The following PLCG1 variants were observed in gnomAD, a reference collection of about 807,000 sequenced individuals.
The protein encoded by PLCG1 is 1-phosphatidylinositol 4,5-bisphosphate phosphodiesterase gamma-1.
A neutral mutation model predicts 177.8 loss-of-function variants in PLCG1; 71 were observed. That is an observed-to-expected ratio of 0.40 (90% CI 0.33 to 0.49). The LOEUF is 0.49. Among genes scored for constraint, PLCG1 ranks in the 20% least tolerant of loss-of-function variants. The pLI is 0.72. For synonymous variants in PLCG1, 658 were observed against 647.9 expected, an observed-to-expected ratio of 1.02 and a Z score of -0.24; for missense variants, 1,281 against 1,709.0, an observed-to-expected ratio of 0.75 and a Z score of 4.42.
intron 22 of PLCG1, 89 bp from the exon 23 acceptor site, chr20:41,169,368 C>A: frequency 9.1e-7 from 1 of 1,100,384 alleles, no homozygotes; most frequent in Non-Finnish European, 1.4e-6. Context: ...GGTACACCCA[C>A]AAGATGTATT....
intron 24 of PLCG1, chr20:41,170,589 T>C (rs1460567094): frequency 1.1e-5 from 3 of 275,676 alleles, no homozygotes; most frequent in Admixed American, 5.0e-5. Context: ...GGCTGAGGCA[T>C]AGAAGGGATG....
chr20:41,173,306 G>A lies in PLCG1; in HGVS notation c.3280-114G>A. 2 of 1,091,086 alleles carry A rather than the reference G, an allele frequency of 1.8e-6. No homozygotes were observed. The highest frequency in any genetic ancestry group is 2.8e-5 in the Admixed American group (1 of 35,258). The allele number at this position is 1,091,086 out of a possible 1,614,324, so 67.6% of individuals were successfully genotyped here. A position where few individuals can be genotyped will look rare whatever the true frequency, so the allele number is the denominator to read the frequency against. On this transcript the variant is annotated intron_variant, in intron 27 of 31. Coordinates refer to ENST00000685551, the MANE Select transcript of PLCG1 (RefSeq NM_002660.3). The surrounding 1 kb of genome is among the most constrained non-coding windows in gnomAD (Gnocchi z 6.2). The stretch of plus-strand genomic sequence containing the variant: ...AGGGACTCCATGGGCAGTGTCCCGG[G>A]GGCCCAGCAGAGGGCGCGCTGCCTC...
Position 41,151,634 on chromosome 20 carries a change from A to T in PLCG1, c.218-7972A>T, listed in dbSNP as rs1018126041. Among the ~76,000 whole-genome samples the T allele has an allele frequency of 2.0e-5, 3 of 152,144 alleles. No individual in the cohort carries two copies. The highest frequency in any genetic ancestry group is 4.4e-5 in the Non-Finnish European group (3 of 68,036). On this transcript the variant is annotated intron_variant, in intron 1 of 31. Transcript: ENST00000685551. This position sits in a 1 kb window ranked among gnomAD's most constrained non-coding sequence, Gnocchi z 5.5. ...GAGTATGTTTCTACTGAGAGGCAGGAGGAGGAATATTATAGTCTCAGGAAG... is the reference window on the plus strand; with the variant it reads ...GAGTATGTTTCTACTGAGAGGCAGGTGGAGGAATATTATAGTCTCAGGAAG...
chr20:41,164,929 G>T lies in PLCG1; in HGVS notation c.1218-4G>T, dbSNP rs752574749. ...TTTCACTGTGCTTGTCCCCCATCCC[G>T]CAGGTACCCAGTCATCCTGTCCATT... On this transcript the variant is annotated splice_polypyrimidine_tract_variant and splice_region_variant and intron_variant, in intron 12 of 31. Coordinates refer to ENST00000685551, the MANE Select transcript of PLCG1 (RefSeq NM_002660.3). This position sits in a 1 kb window ranked among gnomAD's most constrained non-coding sequence, Gnocchi z 6.4. 2.7e-5 allele frequency: 44 copies of T among 1,612,206 alleles called. No homozygotes were observed. The highest frequency in any genetic ancestry group is 3.6e-5 in the Non-Finnish European group (43 of 1,178,786).
rs934288795 is a variant in PLCG1, at chr20:41,167,357, G to C, written c.2302-495G>C. Among the ~76,000 whole-genome samples the C allele has an allele frequency of 6.6e-6, 1 of 152,220 alleles. No homozygotes were observed. The highest frequency in any genetic ancestry group is 2.4e-5 in the African/African-American group (1 of 41,446). On this transcript the variant is annotated intron_variant, in intron 19 of 31. Coordinates refer to ENST00000685551, the MANE Select transcript of PLCG1 (RefSeq NM_002660.3). This position sits in a 1 kb window ranked among gnomAD's most constrained non-coding sequence, Gnocchi z 4.4. ...GACAGAAGGAAGGGGTCTAGGACCAGAAGATCAGTTGAGAGACTGCTGTCG... is the reference window on the plus strand; with the variant it reads ...GACAGAAGGAAGGGGTCTAGGACCACAAGATCAGTTGAGAGACTGCTGTCG...
rs190933981 is a variant in PLCG1, at chr20:41,147,710, G to A, written c.217+9852G>A. ...CTAAAAATACAAAAATTAACCAGGC[G>A]TGGTGTCAGGCGCCTGTAACCCAGC... On this transcript the variant is annotated intron_variant, in intron 1 of 31. Coordinates refer to ENST00000685551, the MANE Select transcript of PLCG1 (RefSeq NM_002660.3). The surrounding 1 kb of genome is among the most constrained non-coding windows in gnomAD (Gnocchi z 4.0). Among the ~76,000 whole-genome samples, 8 of 152,238 alleles carry A rather than the reference G, an allele frequency of 5.3e-5. No individual in the cohort carries two copies. The East Asian group carries it at 7.7e-4, about 15-fold the overall frequency.
chr20:41,165,561 C>A lies in PLCG1; in HGVS notation c.1611+10C>A. On this transcript the variant is annotated intron_variant, in intron 15 of 31. Coordinates refer to ENST00000685551, the MANE Select transcript of PLCG1 (RefSeq NM_002660.3). The surrounding 1 kb of genome is among the most constrained non-coding windows in gnomAD (Gnocchi z 6.6). ...GGAGGAGCCCAAGGAGGTGAGGAAC[C>A]AGCTCAGGTCTGGGGGCTGGGCCAG... The A allele has an allele frequency of 6.2e-7, 1 of 1,612,646 alleles. No homozygotes were observed.
rs1600655233 is a variant in PLCG1, at chr20:41,160,256, G to C, written c.512+103G>C. The stretch of plus-strand genomic sequence containing the variant: ...GCCCGGAGAGCCAGAGGACCCAGGG[G>C]ACCTTAAGTGGGGCCAGGAGGGTGG... On this transcript the variant is annotated intron_variant, in intron 4 of 31. Coordinates refer to ENST00000685551, the MANE Select transcript of PLCG1 (RefSeq NM_002660.3). The surrounding 1 kb of genome is among the most constrained non-coding windows in gnomAD (Gnocchi z 5.5). 2.0e-5 allele frequency: 21 copies of C among 1,039,642 alleles called. No homozygotes were observed. Among genetic ancestry groups the C allele is most frequent in the Non-Finnish European group, 3.1e-5 (21 of 671,558 alleles). The allele number at this position is 1,039,642 out of a possible 1,614,324, so 64.4% of individuals were successfully genotyped here.
At position 41,163,416 on chromosome 20, in the gene PLCG1, C is replaced by A; in HGVS notation, c.828C>A (p.Phe276Leu). The A allele has an allele frequency of 1.2e-6, 2 of 1,613,374 alleles. No individual in the cohort carries two copies. The highest frequency in any genetic ancestry group is 1.7e-6 in the Non-Finnish European group (2 of 1,179,620). Residue 276 changes from phenylalanine (F) to leucine (L), a missense_variant, in exon 9 of 32, where the codon TTC becomes TTA. Physicochemically the swap from Phe to Leu is conservative, Grantham distance 22. Coordinates refer to ENST00000685551, the MANE Select transcript of PLCG1 (RefSeq NM_002660.3). This position sits in a 1 kb window ranked among gnomAD's most constrained non-coding sequence, Gnocchi z 5.2. ...WAVDRLQVQE[F>L]MLSFLRDPLR... ...TTGATCGCCTCCAGGTGCAGGAGTTCATGCTCAGCTTCCTCCGAGACCCCT... is the reference window on the plus strand; with the variant it reads ...TTGATCGCCTCCAGGTGCAGGAGTTAATGCTCAGCTTCCTCCGAGACCCCT...
Position 41,167,795 on chromosome 20 carries a change from T to G in PLCG1, c.2302-57T>G. 1.6e-6 allele frequency: 2 copies of G among 1,270,396 alleles called. No homozygotes were observed. The highest frequency in any genetic ancestry group is 2.3e-6 in the Non-Finnish European group (2 of 869,268). The allele number at this position is 1,270,396 out of a possible 1,614,324, so 78.7% of individuals were successfully genotyped here. On this transcript the variant is annotated intron_variant, in intron 19 of 31. Transcript: ENST00000685551. The surrounding 1 kb of genome is among the most constrained non-coding windows in gnomAD (Gnocchi z 4.4). ...GGAAGCTGCTCCAGAAACCAGTAGCTGCTTTCTACCTCTGGGCTCTGGGGC... is the reference window on the plus strand; with the variant it reads ...GGAAGCTGCTCCAGAAACCAGTAGCGGCTTTCTACCTCTGGGCTCTGGGGC...
Position 41,166,398 on chromosome 20 carries a change from A to T in PLCG1, c.2000+4A>T. ...CCAACGCCCACGAGAGCAAAGAGTG[A>T]GGGAAGGGCCTGGGGGCGGACAAGG... is the stretch of plus-strand genomic sequence containing the variant. On this transcript the variant is annotated splice_donor_region_variant and intron_variant, in intron 17 of 31. Transcript: ENST00000685551. The surrounding 1 kb of genome is among the most constrained non-coding windows in gnomAD (Gnocchi z 8.6). 1 of 1,613,954 alleles carries T rather than the reference A, an allele frequency of 6.2e-7. No individual in the cohort carries two copies. Among genetic ancestry groups the T allele is most frequent in the Non-Finnish European group, 8.5e-7 (1 of 1,180,018 alleles).
In PLCG1 at chr20:41,159,984, G is replaced by A; in HGVS notation, c.464+21G>A. On this transcript the variant is annotated intron_variant, in intron 3 of 31. Transcript: ENST00000685551. This position sits in a 1 kb window ranked among gnomAD's most constrained non-coding sequence, Gnocchi z 6.0. Reference sequence around the variant, plus strand: ...GAGAGGTAAGAACCACTCCTGAAGGGGTTAGGGCTGGGAGCATTAGGGACC... The same window carrying A: ...GAGAGGTAAGAACCACTCCTGAAGGAGTTAGGGCTGGGAGCATTAGGGACC... 6.2e-7 allele frequency: 1 copy of A among 1,608,278 alleles called. No individual in the cohort carries two copies. The highest frequency in any genetic ancestry group is 8.5e-7 in the Non-Finnish European group (1 of 1,174,630).
chr20:41,147,541 G>T lies in PLCG1; in HGVS notation c.217+9683G>T, dbSNP rs1348217958. Among the ~76,000 whole-genome samples, 2 of 152,214 alleles carry T rather than the reference G, an allele frequency of 1.3e-5. No individual in the cohort carries two copies. The highest frequency in any genetic ancestry group is 3.8e-4 in the East Asian group (2 of 5,200). ...CCAAGGTAGCCATCTCTCTCAGTAG[G>T]GGAGGTGAGTTCAAAGAATTTAAGC... On this transcript the variant is annotated intron_variant, in intron 1 of 31. Coordinates refer to ENST00000685551, the MANE Select transcript of PLCG1 (RefSeq NM_002660.3). This position sits in a 1 kb window ranked among gnomAD's most constrained non-coding sequence, Gnocchi z 4.0.
Position 41,137,698 on chromosome 20 carries a change from C to G in PLCG1, c.57C>G (p.Asp19Glu). 7.6e-7 allele frequency: 1 copy of G among 1,316,612 alleles called. No homozygotes were observed. Among genetic ancestry groups the G allele is most frequent in the Non-Finnish European group, 9.7e-7 (1 of 1,030,392 alleles). 81.6% of individuals were successfully genotyped at this position (1,316,612 alleles called of 1,614,324 possible). A position where few individuals can be genotyped will look rare whatever the true frequency, so the allele number is the denominator to read the frequency against. The change falls in exon 1 of 32, where the codon GAC (aspartate) becomes GAG (glutamate). Residue 19 changes from aspartate to glutamate, a missense_variant. Physicochemically the swap from Asp to Glu is conservative, Grantham distance 45. Around this residue, in one of 4 missense-constraint regions of PLCG1, gnomAD observed 374 missense variants for 443.8 expected, o/e 0.84. Transcript: ENST00000685551. This position sits in a 1 kb window ranked among gnomAD's most constrained non-coding sequence, Gnocchi z 7.3. ...GCTGCGGGCCCGGCGCGCCCTCGGA[C>G]GCCGAGGTGCTGCACCTCTGCCGCA... is the stretch of plus-strand genomic sequence containing the variant. ...ANGCGPGAPSDAEVLHLCRSL... is the reference protein window; with the variant it reads ...ANGCGPGAPSEAEVLHLCRSL...
rs779170838 is a variant in PLCG1, at chr20:41,176,144, C to CTCTT, written c.*1636_*1639dup. 1 of 152,200 alleles carries CTCTT rather than the reference C, an allele frequency of 6.6e-6. No individual in the cohort carries two copies. The highest frequency in any genetic ancestry group is 1.5e-5 in the Non-Finnish European group (1 of 68,038). 9.4% of individuals were successfully genotyped at this position (152,200 alleles called of 1,614,324 possible). A position where few individuals can be genotyped will look rare whatever the true frequency, so the allele number is the denominator to read the frequency against. On this transcript the variant is annotated 3_prime_UTR_variant, in exon 32 of 32. Transcript: ENST00000685551. ...CTTTCAACACAGTTGAAAGGCCCTT[C>CTCTT]TCTTCCTGAAGCTCTGTTTCCATAG...
In PLCG1 at chr20:41,151,237, C is replaced by T. The variant is rs2035156794; in HGVS notation, c.218-8369C>T. Among the ~76,000 whole-genome samples the T allele has an allele frequency of 6.6e-6, 1 of 152,118 alleles. No homozygotes were observed. The highest frequency in any genetic ancestry group is 2.4e-5 in the African/African-American group (1 of 41,422). ...TGGCTGCTCTGTGTTTCTCTGTATA[C>T]CCAGTGTCAGGGATAGCAGCTGCTG... is the stretch of plus-strand genomic sequence containing the variant. On this transcript the variant is annotated intron_variant, in intron 1 of 31. Coordinates refer to ENST00000685551, the MANE Select transcript of PLCG1 (RefSeq NM_002660.3). The surrounding 1 kb of genome is among the most constrained non-coding windows in gnomAD (Gnocchi z 5.5).
intron 5 of PLCG1, 44 bp from the exon 6 acceptor site, chr20:41,162,598 G>A: frequency 1.2e-6 from 2 of 1,608,240 alleles, no homozygotes; most frequent in Non-Finnish European, 1.7e-6. Flanking sequence ...CCTTCAGCTG[G>A]GGGCCTGACT....
At chr20:41,169,596 C>A in intron 23 of PLCG1, 70 bp downstream of exon 23, 1 of 1,240,568 alleles carries the variant, frequency 8.1e-7, no homozygotes, top group Non-Finnish European at 1.2e-6. Flanking sequence ...CTCTTTCCTG[C>A]TCCTAGGGAG....
intron 1 of PLCG1, among the ~76,000 whole-genome samples, chr20:41,138,644 ATTC>A (rs894856497): frequency 3.3e-5 from 5 of 152,144 alleles, no homozygotes; most frequent in Admixed American, 6.5e-5. Flanking sequence ...GGAGTCAGGT[ATTC>A]TTCTCAGGAG....
Sources: allele counts gnomAD v4.1 joint callset (sites outside exome capture counted in the v4.1 genomes callset), GRCh38; gene constraint gnomAD v4.1.1; regional missense constraint gnomAD v4.1.1; non-coding constraint Gnocchi (gnomAD v3.1); transcripts MANE v1.5; gene names NCBI Gene and HGNC (gene_info 2026-07-23, HGNC 2026-07-21).